Variants in EXOC2 observed in about 807,000 individuals in gnomAD.
EXOC2 encodes the protein SEC5-like 1.
In EXOC2, 70 loss-of-function variants were observed where a neutral mutation model predicts 131.8. That is an observed-to-expected ratio of 0.53 (90% CI 0.44 to 0.65). EXOC2 has a LOEUF of 0.65. Among genes scored for constraint, EXOC2 ranks in the 30% least tolerant of loss-of-function variants. EXOC2 has a pLI of 0.00. For synonymous variants in EXOC2, 411 were observed against 398.4 expected (o/e 1.03, Z -0.38); for missense variants, 923 against 1,108.6 (o/e 0.83, Z 2.38).
At chr6:615,472 C>T (rs145407926) in intron 6 of EXOC2, among the ~76,000 whole-genome samples, 1 of 152,282 alleles carries the variant, frequency 6.6e-6, no homozygotes, top group African/African-American at 2.4e-5. Context: ...AGGAAGTCAT[C>T]AGTCAAATTC....
chr6:598,526 C>G (rs1257474238), intron 9 of EXOC2, among the ~76,000 whole-genome samples: 1 of 152,166 alleles, frequency 6.6e-6, no homozygotes, highest in African/African-American at 2.4e-5. Flanking sequence ...CTATGGGTCT[C>G]TCTGAAGACG....
At chr6:583,857 C>T (rs1026669602) in intron 11 of EXOC2, among the ~76,000 whole-genome samples, 3 of 152,292 alleles carry the variant, frequency 2.0e-5, no homozygotes, top group Non-Finnish European at 2.9e-5. Context: ...AAAGGCACCA[C>T]CCCAGTGCTG....
intron 16 of EXOC2, 44 bp from the exon 17 acceptor site, chr6:562,889 A>C: frequency 4.2e-5 from 58 of 1,389,504 alleles, no homozygotes; most frequent in Middle Eastern, 2.3e-4. Context: ...TAATTATCTC[A>C]CTAAATTTTA....
At chr6:630,050 C>A in intron 3 of EXOC2, 89 bp from the exon 4 acceptor site, 1 of 1,438,522 alleles carries the variant, frequency 7.0e-7, no homozygotes, top group East Asian at 2.5e-5. Context: ...TCTTAAAGAC[C>A]TAATACAAAA....
chr6:576,595 T>C (rs747808426), intron 12 of EXOC2, among the ~76,000 whole-genome samples, 162 bp downstream of exon 12: 3 of 152,224 alleles, frequency 2.0e-5, no homozygotes, highest in Non-Finnish European at 4.4e-5. Context: ...ATATTTTAAT[T>C]ATTAAATTAC....
chr6:490,981 C>T (rs900650490), intron 26 of EXOC2, 144 bp downstream of exon 26: 4 of 800,238 alleles, frequency 5.0e-6, no homozygotes, highest in Admixed American at 2.2e-5. Context: ...CATTGTGTTA[C>T]AAAGTGGCCT....
intron 10 of EXOC2, among the ~76,000 whole-genome samples, chr6:597,213 T>C (rs1296472292): frequency 6.6e-6 from 1 of 152,102 alleles, no homozygotes; most frequent in Admixed American, 6.5e-5. Flanking sequence ...CTCACTCTGT[T>C]GCCCAGGCTG....
At chr6:631,068 C>T (rs183827266) in intron 3 of EXOC2, among the ~76,000 whole-genome samples, 33 of 152,352 alleles carry the variant, frequency 2.2e-4, no homozygotes, top group Non-Finnish European at 3.2e-4. Flanking sequence ...ACAGACAAAG[C>T]GTGCCTGCCT....
intron 7 of EXOC2, among the ~76,000 whole-genome samples, chr6:609,614 ACC>A (rs1401029346): frequency 1.3e-5 from 2 of 152,210 alleles, no homozygotes; most frequent in African/African-American, 4.8e-5. Context: ...AGATTTAGAC[ACC>A]TTCTTAAATA....
Position 497,309 on chromosome 6 carries a change from A to G in EXOC2, c.2559+58T>C, listed in dbSNP as rs1763798340. On this transcript the variant is annotated intron_variant, in intron 25 of 27. Coordinates refer to ENST00000230449, the MANE Select transcript of EXOC2 (RefSeq NM_018303.6). ...TATCATAAGATTGATGACTAAAAACATTTTATATGCTTTAAATAACAACAG... is the reference window on the plus strand; with the variant it reads ...TATCATAAGATTGATGACTAAAAACGTTTTATATGCTTTAAATAACAACAG... 1.9e-6 allele frequency: 3 copies of G among 1,552,302 alleles called. No individual in the cohort carries two copies. In the Admixed American group the frequency reaches 5.1e-5, roughly 27 times the overall value.
intron 27 of EXOC2, among the ~76,000 whole-genome samples, chr6:487,607 A>C (rs1180209460): frequency 6.6e-6 from 1 of 151,970 alleles, no homozygotes; most frequent in African/African-American, 2.4e-5. Flanking sequence ...GGGTTTTACC[A>C]TGTTGGCCAG....
intron 23 of EXOC2, among the ~76,000 whole-genome samples, chr6:527,195 T>C (rs1765793919): frequency 6.6e-6 from 1 of 152,254 alleles, no homozygotes; most frequent in Non-Finnish European, 1.5e-5. Context: ...TCTGCAGTTT[T>C]CCATTTTTTG....
rs902406315 is a variant in EXOC2 at position 660,394 on chromosome 6, T to C, written c.-43-22533A>G. On this transcript the variant is annotated intron_variant, in intron 1 of 27. Coordinates refer to ENST00000230449, the MANE Select transcript of EXOC2 (RefSeq NM_018303.6). ...TAAGGACCCTCCCTCAGGGAGTCCA[T>C]TGCACCCTCCGCCACCTCCACTGGA... is the stretch of plus-strand genomic sequence containing the variant. Among the ~76,000 whole-genome samples the C allele has an allele frequency of 6.6e-5, 10 of 152,162 alleles. No homozygotes were observed. The East Asian group carries it at 9.6e-4, about 15-fold the overall frequency.
chr6:572,451 A>T, intron 13 of EXOC2, 69 bp downstream of exon 13: 2 of 1,531,662 alleles, frequency 1.3e-6, no homozygotes, highest in Non-Finnish European at 1.8e-6. Flanking sequence ...AATCACTTAA[A>T]TCTAACATTT....
intron 1 of EXOC2, among the ~76,000 whole-genome samples, chr6:655,418 A>G (rs1467063872): frequency 6.6e-6 from 1 of 152,218 alleles, no homozygotes; most frequent in African/African-American, 2.4e-5. Flanking sequence ...AAAATCCAAA[A>G]AACTCATCTG....
chr6:493,900 CA>C (rs1763574843), intron 25 of EXOC2, among the ~76,000 whole-genome samples: 1 of 152,208 alleles, frequency 6.6e-6, no homozygotes, highest in Non-Finnish European at 1.5e-5. Flanking sequence ...GATCACTTTC[CA>C]ACCTCTCCCT....
At chr6:514,598 T>G (rs554739174) in intron 23 of EXOC2, among the ~76,000 whole-genome samples, 10 of 152,214 alleles carry the variant, frequency 6.6e-5, no homozygotes, top group East Asian at 1.9e-4. Context: ...GCCCCTGGTG[T>G]GCATGTGAGG....
chr6:632,031 A>G (rs1761883811), intron 3 of EXOC2, among the ~76,000 whole-genome samples: 1 of 152,230 alleles, frequency 6.6e-6, no homozygotes, highest in African/African-American at 2.4e-5. Context: ...ATATTCCTAC[A>G]TTATACAAAT....
At chr6:649,707 G>C (rs376745698) in intron 1 of EXOC2, among the ~76,000 whole-genome samples, 2 of 152,182 alleles carry the variant, frequency 1.3e-5, no homozygotes, top group African/African-American at 4.8e-5. Context: ...ACACGCAAGA[G>C]TAATTTCTTT....
Sources: gnomAD v4.1 joint callset for allele counts (sites outside exome capture counted in the v4.1 genomes callset) on GRCh38, gnomAD v4.1.1 for gene constraint, MANE v1.5 for transcripts, NCBI Gene and HGNC (gene_info 2026-07-23, HGNC 2026-07-21) for gene names.